The following ITPR2 variants were observed in gnomAD, a reference collection of about 807,000 sequenced individuals.
ITPR2 encodes the protein inositol 1,4,5-trisphosphate receptor type 2.
ITPR2 carries 207 observed loss-of-function variants against 317.1 expected under a neutral mutation model. That is an observed-to-expected ratio of 0.65 (90% confidence interval 0.58 to 0.73). The LOEUF (loss-of-function observed/expected upper bound fraction) is 0.73, where lower values mean the gene tolerates loss of function less well. ITPR2 is among the 30% of genes least tolerant of loss of function. The pLI is 0.00. For missense variants in ITPR2, 2,613 were observed against 3,284.0 expected (o/e 0.80, Z 4.99); for synonymous variants, 1,156 against 1,149.1 (o/e 1.01, Z -0.12).
At position 26,656,562 on chromosome 12, in the gene ITPR2, AACATATT is replaced by A. The variant is rs762656793; in HGVS notation, c.2193-21_2193-15del. The A allele has an allele frequency of 6.2e-7, 1 of 1,613,342 alleles. No individual in the cohort carries two copies. Among genetic ancestry groups the A allele is most frequent in the African/African-American group, 1.3e-5 (1 of 74,908 alleles). ...TTTAGCTGGTACCTTAAAAATGGTA[AACATATT>A]ACATTATTGTCTTATCTCAAGGAAA... On this transcript the variant is annotated splice_polypyrimidine_tract_variant and intron_variant, in intron 18 of 56. Transcript: ENST00000381340.
intron 1 of ITPR2, among the ~76,000 whole-genome samples, chr12:26,827,362 A>C (rs1002660861): frequency 6.6e-6 from 1 of 152,218 alleles, no homozygotes; most frequent in Non-Finnish European, 1.5e-5. Context: ...ATACAGGTAA[A>C]GGATAATGGG....
intron 21 of ITPR2, among the ~76,000 whole-genome samples, chr12:26,634,884 CAAAAAAAAAAAAAAA>C (rs55985706): frequency 1.7e-5 from 1 of 58,552 alleles, no homozygotes; most frequent in Admixed American, 2.5e-4. Flanking sequence ...GACTTCATCT[CAAAAAAAAAAAAAAA>C]AAAAAAAAAA....
At chr12:26,765,722 T>A (rs1036273710) in intron 2 of ITPR2, among the ~76,000 whole-genome samples, 2 of 152,118 alleles carry the variant, frequency 1.3e-5, no homozygotes, top group African/African-American at 4.8e-5. Context: ...CACAGTTGAG[T>A]TGTGCAAACA....
chr12:26,533,488 G>T (rs1202013251), intron 37 of ITPR2, among the ~76,000 whole-genome samples: 1 of 152,198 alleles, frequency 6.6e-6, no homozygotes, highest in African/African-American at 2.4e-5. Context: ...TCTCATCTAT[G>T]AAAAGATTAA....
intron 5 of ITPR2, 58 bp from the exon 6 acceptor site, chr12:26,716,300 C>A: frequency 8.9e-7 from 1 of 1,120,772 alleles, no homozygotes. Flanking sequence ...GTGCTATATT[C>A]GAAGCTAGAA....
At chr12:26,391,555 C>CT (rs1491173931) in intron 54 of ITPR2, among the ~76,000 whole-genome samples, 14,093 of 70,044 alleles carry the variant, frequency 0.2, 3,517 homozygotes, top group Non-Finnish European at 0.23. Flanking sequence ...TTCTTCTTTT[C>CT]CTTTTTTTTT....
chr12:26,345,752 G>A (rs372951205), intron 55 of ITPR2, among the ~76,000 whole-genome samples: 35 of 152,280 alleles, frequency 2.3e-4, no homozygotes, highest in African/African-American at 7.9e-4. Flanking sequence ...CAGGGGAAGA[G>A]GAAGGTAAAC....
chr12:26,640,226 T>A (rs1946954174), intron 21 of ITPR2, among the ~76,000 whole-genome samples: 1 of 152,160 alleles, frequency 6.6e-6, no homozygotes, highest in African/African-American at 2.4e-5. Context: ...TCATTATTTG[T>A]AAAGTCATTC....
intron 1 of ITPR2, among the ~76,000 whole-genome samples, chr12:26,793,417 C>T (rs1435298719): frequency 1.3e-5 from 2 of 152,064 alleles, no homozygotes; most frequent in Non-Finnish European, 2.9e-5. Flanking sequence ...TAGAATAAAA[C>T]TTTCTGGGGA....
At chr12:26,710,584 T>C (rs1039375490) in intron 9 of ITPR2, among the ~76,000 whole-genome samples, 1 of 152,268 alleles carries the variant, frequency 6.6e-6, no homozygotes, top group Non-Finnish European at 1.5e-5. Context: ...ATTAAAACAT[T>C]TGTAAAACTT....
intron 45 of ITPR2, among the ~76,000 whole-genome samples, chr12:26,458,237 G>A (rs1941936403): frequency 6.6e-6 from 1 of 152,176 alleles, no homozygotes; most frequent in Admixed American, 6.5e-5. Context: ...AGAGGAGTGA[G>A]CAGCTCTGCC....
intron 1 of ITPR2, among the ~76,000 whole-genome samples, chr12:26,805,291 T>C (rs1309288765): frequency 6.6e-6 from 1 of 152,246 alleles, no homozygotes. Context: ...ATAGGGTTTA[T>C]TTTAAAATTA....
chr12:26,806,028 C>A (rs1950634212), intron 1 of ITPR2, among the ~76,000 whole-genome samples: 2 of 152,036 alleles, frequency 1.3e-5, no homozygotes, highest in African/African-American at 4.8e-5. Context: ...AGTGGGAAGA[C>A]CACTTTGGAA....
intron 23 of ITPR2, among the ~76,000 whole-genome samples, chr12:26,627,045 T>C (rs1468005496): frequency 1.3e-5 from 2 of 152,232 alleles, no homozygotes; most frequent in Admixed American, 6.5e-5. Flanking sequence ...GCTCTTTTGT[T>C]ATGCTCCAGT....
chr12:26,415,074 T>A (rs769610462), intron 51 of ITPR2, among the ~76,000 whole-genome samples: 3 of 152,060 alleles, frequency 2.0e-5, no homozygotes, highest in Non-Finnish European at 4.4e-5. Flanking sequence ...TTACCGAGAC[T>A]GAGCTGGGAT....
At chr12:26,684,207 G>A (rs1397123649) in intron 11 of ITPR2, among the ~76,000 whole-genome samples, 1 of 152,180 alleles carries the variant, frequency 6.6e-6, no homozygotes, top group African/African-American at 2.4e-5. Context: ...TTGTCATCAG[G>A]TCCCCTGGTG....
At chr12:26,446,830 A>G (rs1477264813) in intron 45 of ITPR2, among the ~76,000 whole-genome samples, 2 of 151,938 alleles carry the variant, frequency 1.3e-5, no homozygotes, top group Non-Finnish European at 2.9e-5. Context: ...ATCTATACAT[A>G]TCTTTGAAAA....
At chr12:26,577,367 A>C (rs570821934) in intron 34 of ITPR2, among the ~76,000 whole-genome samples, 1 of 152,350 alleles carries the variant, frequency 6.6e-6, no homozygotes, top group South Asian at 2.1e-4. Context: ...GAAACATTAA[A>C]GTTATTAGTT....
At position 26,605,440 on chromosome 12, in the gene ITPR2, C is replaced by A. The variant is rs192505053; in HGVS notation, c.3463-2734G>T. Reference sequence around the variant, plus strand: ...TAAAACATATACACACAAACACACACACTTGTACCACAAACCAGGATTAAG... The same window carrying A: ...TAAAACATATACACACAAACACACAAACTTGTACCACAAACCAGGATTAAG... On this transcript the variant is annotated intron_variant, in intron 26 of 56. Coordinates refer to ENST00000381340, the MANE Select transcript of ITPR2 (RefSeq NM_002223.4). Among the ~76,000 whole-genome samples the A allele has an allele frequency of 3.8e-3, 585 of 152,144 alleles. 5 individuals are homozygous for A. The highest frequency in any genetic ancestry group is 5.4e-3 in the Non-Finnish European group (367 of 68,006).
Sources: gnomAD v4.1 joint callset for allele counts (sites outside exome capture counted in the v4.1 genomes callset) on GRCh38, gnomAD v4.1.1 for gene constraint, MANE v1.5 for transcripts, NCBI Gene and HGNC (gene_info 2026-07-23, HGNC 2026-07-21) for gene names.